Variants in NPRL3 observed in about 807,000 individuals in gnomAD.
NPRL3 encodes GATOR1 complex protein NPRL3.
Under a neutral mutation model 57.2 loss-of-function variants are expected in NPRL3, and 23 were observed. The ratio of observed to expected loss-of-function variants is 0.40; its 90% CI spans 0.29 to 0.57. The LOEUF (loss-of-function observed/expected upper bound fraction) is 0.57, where lower values mean the gene tolerates loss of function less well. Among genes scored for constraint, NPRL3 ranks in the 20% least tolerant of loss-of-function variants. The probability of loss-of-function intolerance (pLI) is 0.42; values close to 1 mark genes in which losing one functional copy is unlikely to be tolerated. For missense variants in NPRL3, 691 were observed against 767.1 expected (o/e 0.90, Z 1.17); for synonymous variants, 333 against 321.1 (o/e 1.04, Z -0.39).
intron 10 of NPRL3, 22 bp from the exon 11 acceptor site, chr16:92,747 A>G (rs376054006): frequency 6.2e-7 from 1 of 1,611,658 alleles, no homozygotes; most frequent in Non-Finnish European, 8.5e-7. Context: ...TGAGCATGCC[A>G]GTGAGTGCAG....
chr16:138,304 AGAG>A lies in NPRL3; in HGVS notation c.-40_-38del. ...GCCGGGGCCGGGGGCGGAGGGGGCC[AGAG>A]GAGGACGGAGCCGGAGGCGGAGGGG... On this transcript the variant is annotated 5_prime_UTR_variant, in exon 2 of 14. Coordinates refer to ENST00000611875, the MANE Select transcript of NPRL3 (RefSeq NM_001077350.3). 2.2e-6 allele frequency: 3 copies of A among 1,356,496 alleles called. 1 individual carries two copies. In the South Asian group the frequency reaches 4.0e-5, roughly 18 times the overall value. 84.0% of individuals were successfully genotyped at this position (1,356,496 alleles called of 1,614,324 possible). A position where few individuals can be genotyped will look rare whatever the true frequency, so the allele number is the denominator to read the frequency against.
At chr16:137,173 T>A (rs1166608218) in intron 2 of NPRL3, among the ~76,000 whole-genome samples, 1 of 151,364 alleles carries the variant, frequency 6.6e-6, no homozygotes, top group East Asian at 1.9e-4. Flanking sequence ...TGAGCCGAGA[T>A]CACGCCACTC....
At position 85,574 on chromosome 16, in the gene NPRL3, G is replaced by A. The variant is rs769824633; in HGVS notation, c.*1131C>T. On this transcript the variant is annotated 3_prime_UTR_variant, in exon 14 of 14. Coordinates refer to ENST00000611875, the MANE Select transcript of NPRL3 (RefSeq NM_001077350.3). ...GGCCCTGGCCATCAACAAGAGCTTT[G>A]ACCAGAGGGACCTGGCACAGGATGA... 5 of 1,613,160 alleles carry A rather than the reference G, an allele frequency of 3.1e-6. No individual in the cohort carries two copies. In the East Asian group the frequency reaches 8.9e-5, roughly 29 times the overall value.
chr16:97,233 C>G (rs1299419765), intron 9 of NPRL3, among the ~76,000 whole-genome samples: 1 of 152,080 alleles, frequency 6.6e-6, no homozygotes, highest in Non-Finnish European at 1.5e-5. Context: ...CCATCAGCAG[C>G]CCCTGCTTCT....
chr16:131,842 T>C (rs1314622499), intron 2 of NPRL3, among the ~76,000 whole-genome samples: 1 of 152,156 alleles, frequency 6.6e-6, no homozygotes, highest in African/African-American at 2.4e-5. Flanking sequence ...CAGCACTTTA[T>C]CCACCACAGA....
At chr16:97,805 A>G (rs937445373) in intron 9 of NPRL3, among the ~76,000 whole-genome samples, 1 of 152,010 alleles carries the variant, frequency 6.6e-6, no homozygotes, top group African/African-American at 2.4e-5. Context: ...TGAGACCCCC[A>G]TGGCCCTGCC....
rs1318053708 is a variant in NPRL3, at chr16:114,807, G to A, written c.394-2032C>T. 2.0e-5 allele frequency among the ~76,000 whole-genome samples: 3 copies of A among 152,098 alleles called. No individual in the cohort carries two copies. In the South Asian group the frequency reaches 6.2e-4, roughly 32 times the overall value. On this transcript the variant is annotated intron_variant, in intron 5 of 13. Coordinates refer to ENST00000611875, the MANE Select transcript of NPRL3 (RefSeq NM_001077350.3). ...ATATTTTATACAGATATCTTCTGAA[G>A]TATGTAGGGATGAACAGACATAAGG... is the stretch of plus-strand genomic sequence containing the variant.
At chr16:111,565 T>G (rs1899816313) in intron 6 of NPRL3, among the ~76,000 whole-genome samples, 1 of 151,802 alleles carries the variant, frequency 6.6e-6, no homozygotes, top group Non-Finnish European at 1.5e-5. Context: ...TTCTCCCACC[T>G]CAGCATCCCG....
intron 3 of NPRL3, among the ~76,000 whole-genome samples, chr16:119,742 G>A (rs1445195118): frequency 1.3e-5 from 2 of 152,232 alleles, no homozygotes; most frequent in East Asian, 3.8e-4. Context: ...CAGTGCACAG[G>A]GATGCGTGCA....
At chr16:129,932 G>A (rs1457089898) in intron 3 of NPRL3, among the ~76,000 whole-genome samples, 1 of 152,170 alleles carries the variant, frequency 6.6e-6, no homozygotes, top group Non-Finnish European at 1.5e-5. Flanking sequence ...ATGAACAGAA[G>A]GCAGAAGTGG....
At chr16:124,861 G>C (rs28624403) in intron 3 of NPRL3, 2,776 of 152,414 alleles carry the variant, frequency 0.018, 83 homozygotes, top group African/African-American at 0.063. Flanking sequence ...TGGATCGCTT[G>C]AGGTCAGGAG....
chr16:111,689 G>C (rs1342951602), intron 6 of NPRL3, among the ~76,000 whole-genome samples: 1 of 152,034 alleles, frequency 6.6e-6, no homozygotes, highest in Non-Finnish European at 1.5e-5. Flanking sequence ...CCGAGCTCAA[G>C]CAATCTACCT....
chr16:122,048 G>T (rs2974758), intron 3 of NPRL3, among the ~76,000 whole-genome samples: 10,043 of 151,350 alleles, frequency 0.066, 1,085 homozygotes, highest in African/African-American at 0.23. Context: ...GTGCTGGGAT[G>T]ACAGGCGTGA....
intron 6 of NPRL3, among the ~76,000 whole-genome samples, chr16:112,360 G>A (rs1183305233): frequency 6.6e-6 from 1 of 152,240 alleles, no homozygotes; most frequent in East Asian, 1.9e-4. Flanking sequence ...ACTTCTCTGA[G>A]CCTTAGTTTC....
intron 7 of NPRL3, among the ~76,000 whole-genome samples, chr16:107,248 G>C (rs1306989090): frequency 1.3e-5 from 2 of 152,124 alleles, no homozygotes; most frequent in African/African-American, 4.8e-5. Flanking sequence ...GAGCTCCTCC[G>C]CAGCCTGCAG....
rs770198792 is a variant in NPRL3, at chr16:100,500, C to A, written c.639G>T (p.Thr213=). The change falls in exon 8 of 14, where the codon ACG becomes ACT. Residue 213 remains threonine, a synonymous_variant. Transcript: ENST00000611875. ...DLKEAYDSLC[T]SGVVRLHINS... Reference sequence around the variant, plus strand: ...TGATGTGAAGCCGAACTACGCCCGACGTGCACAGGCTGCAGAGAGTGGGCG... The same window carrying A: ...TGATGTGAAGCCGAACTACGCCCGAAGTGCACAGGCTGCAGAGAGTGGGCG... 1.3e-6 allele frequency: 2 copies of A among 1,578,288 alleles called. No individual in the cohort carries two copies. Among genetic ancestry groups the A allele is most frequent in the East Asian group, 2.3e-5 (1 of 43,760 alleles).
Position 85,425 on chromosome 16 carries a change from G to A in NPRL3, c.*1280C>T, listed in dbSNP as rs761456411. ...GGGGACGGGGCTTGCGTCTTGCTGC[G>A]AGCACTGGAGCCCCTGGAAGGTCTG... On this transcript the variant is annotated 3_prime_UTR_variant, in exon 14 of 14. Coordinates refer to ENST00000611875, the MANE Select transcript of NPRL3 (RefSeq NM_001077350.3). 3.1e-6 allele frequency: 5 copies of A among 1,609,724 alleles called. No homozygotes were observed. Among genetic ancestry groups the A allele is most frequent in the East Asian group, 2.2e-5 (1 of 44,844 alleles).
At chr16:106,335 T>C (rs562760994) in intron 7 of NPRL3, among the ~76,000 whole-genome samples, 30 of 150,566 alleles carry the variant, frequency 2.0e-4, no homozygotes, top group Middle Eastern at 3.4e-3. Context: ...AATAAATAAA[T>C]AAAATAGCAA....
At chr16:99,365 C>A (rs1261633699) in intron 8 of NPRL3, among the ~76,000 whole-genome samples, 1 of 152,082 alleles carries the variant, frequency 6.6e-6, no homozygotes, top group African/African-American at 2.4e-5. Flanking sequence ...AATTAAATTG[C>A]CAGGGCATGG....
Sources: allele counts gnomAD v4.1 joint callset (sites outside exome capture counted in the v4.1 genomes callset), GRCh38; gene constraint gnomAD v4.1.1; transcripts MANE v1.5; gene names NCBI Gene and HGNC (gene_info 2026-07-23, HGNC 2026-07-21).